DPP10: variants seen among roughly 807,000 people sequenced by gnomAD.
DPP10 encodes inactive dipeptidyl peptidase 10.
In DPP10, 33 loss-of-function variants were observed where a neutral mutation model predicts 120.9. The ratio of observed to expected loss-of-function variants is 0.27; its 90% CI spans 0.21 to 0.37. The LOEUF is 0.37. Among genes scored for constraint, DPP10 ranks in the 10% least tolerant of loss-of-function variants. The pLI, the probability that DPP10 is intolerant of heterozygous loss-of-function variation, is 1.00. For missense variants in DPP10, 816 were observed against 942.8 expected, an observed-to-expected ratio of 0.87 and a Z score of 1.76; for synonymous variants, 337 against 326.1, an observed-to-expected ratio of 1.03 and a Z score of -0.36.
At chr2:115,195,802 T>A (rs1235917837) in intron 1 of DPP10, among the ~76,000 whole-genome samples, 1 of 152,172 alleles carries the variant, frequency 6.6e-6, no homozygotes, top group Non-Finnish European at 1.5e-5. Context: ...TTCGGGACAC[T>A]CTTCCCTCCA....
chr2:115,420,046 A>T (rs376155039), intron 3 of DPP10, among the ~76,000 whole-genome samples: 2 of 152,206 alleles, frequency 1.3e-5, no homozygotes, highest in East Asian at 3.9e-4. Flanking sequence ...TTTATATAAA[A>T]TGCCAAACGT....
At chr2:114,810,509 A>G (rs1453121980) in intron 1 of DPP10, among the ~76,000 whole-genome samples, 1 of 152,236 alleles carries the variant, frequency 6.6e-6, no homozygotes, top group East Asian at 1.9e-4. Context: ...GACTTAGATC[A>G]TCATACAATA....
chr2:115,834,302 A>G (rs756909383), intron 21 of DPP10, among the ~76,000 whole-genome samples: 7 of 152,216 alleles, frequency 4.6e-5, no homozygotes, highest in African/African-American at 9.6e-5. Context: ...TAAAACTATA[A>G]CCTGGACCAC....
At chr2:114,867,738 C>G (rs906952374) in intron 1 of DPP10, among the ~76,000 whole-genome samples, 2 of 152,284 alleles carry the variant, frequency 1.3e-5, no homozygotes, top group South Asian at 4.1e-4. Context: ...TGAGGATCTC[C>G]TAGTAGATTT....
intron 5 of DPP10, among the ~76,000 whole-genome samples, chr2:115,608,111 G>C (rs867699996): frequency 9.2e-5 from 14 of 152,184 alleles, no homozygotes; most frequent in Middle Eastern, 3.4e-3. Context: ...ATTCTGGCTG[G>C]GCGCAATGGC....
At chr2:115,200,311 T>C (rs796599307) in intron 1 of DPP10, among the ~76,000 whole-genome samples, 2 of 152,304 alleles carry the variant, frequency 1.3e-5, no homozygotes, top group African/African-American at 4.8e-5. Flanking sequence ...CCATTACTAC[T>C]GGCAATCTCT....
At chr2:114,754,828 C>T (rs1679580507) in intron 1 of DPP10, among the ~76,000 whole-genome samples, 1 of 152,136 alleles carries the variant, frequency 6.6e-6, no homozygotes, top group Non-Finnish European at 1.5e-5. Flanking sequence ...AGCACCAAAC[C>T]TGCATGGGAT....
chr2:115,195,446 G>T (rs2055190513), intron 1 of DPP10, among the ~76,000 whole-genome samples: 1 of 152,118 alleles, frequency 6.6e-6, no homozygotes, highest in African/African-American at 2.4e-5. Flanking sequence ...TGTCTTGATA[G>T]TAATACCTTG....
intron 4 of DPP10, among the ~76,000 whole-genome samples, chr2:115,505,514 T>C (rs2076894470): frequency 1.3e-5 from 2 of 152,136 alleles, no homozygotes; most frequent in South Asian, 4.1e-4. Flanking sequence ...TTATAACAAC[T>C]GTTTGCGATT....
intron 1 of DPP10, among the ~76,000 whole-genome samples, chr2:115,264,948 A>AG (rs2059399970): frequency 6.6e-6 from 1 of 152,294 alleles, no homozygotes; most frequent in Admixed American, 6.5e-5. Flanking sequence ...AGATTTTATT[A>AG]GGGGTGTCAA....
chr2:115,323,281 T>C lies in DPP10; in HGVS notation c.175+13928T>C, dbSNP rs550483942. On this transcript the variant is annotated intron_variant, in intron 2 of 25. Transcript: ENST00000410059. The stretch of plus-strand genomic sequence containing the variant: ...GAAACTGCTCCTTTCACTTCATCCA[T>C]AAGAAAAAACTCCTCGTTCATTCAA... Among the ~76,000 whole-genome samples the C allele has an allele frequency of 6.6e-5, 10 of 152,286 alleles. No individual in the cohort carries two copies. The South Asian group carries it at 1.9e-3, about 28-fold the overall frequency.
At chr2:115,429,641 G>C (rs2070790018) in intron 3 of DPP10, among the ~76,000 whole-genome samples, 2 of 152,134 alleles carry the variant, frequency 1.3e-5, no homozygotes, top group Non-Finnish European at 2.9e-5. Flanking sequence ...CATTAACTAA[G>C]TGAATGGCTT....
At chr2:115,435,715 T>C (rs921865299) in intron 3 of DPP10, among the ~76,000 whole-genome samples, 14 of 151,918 alleles carry the variant, frequency 9.2e-5, no homozygotes, top group African/African-American at 3.1e-4. Context: ...TTAATCCCAT[T>C]TGTCTATGTT....
intron 4 of DPP10, among the ~76,000 whole-genome samples, chr2:115,513,007 T>C (rs1014481795): frequency 6.6e-6 from 1 of 152,100 alleles, no homozygotes; most frequent in Non-Finnish European, 1.5e-5. Context: ...TATTAAATTG[T>C]TTATTTTCCC....
intron 1 of DPP10, among the ~76,000 whole-genome samples, chr2:114,590,135 A>G (rs1008220999): frequency 1.3e-5 from 2 of 152,170 alleles, no homozygotes; most frequent in Admixed American, 6.5e-5. Context: ...AAATAATTGC[A>G]GCACAATTTA....
At chr2:115,335,699 T>G (rs1455939032) in intron 2 of DPP10, among the ~76,000 whole-genome samples, 1 of 152,096 alleles carries the variant, frequency 6.6e-6, no homozygotes, top group Non-Finnish European at 1.5e-5. Context: ...TGTAGTTTCA[T>G]CTAGCTGTGC....
chr2:115,547,099 A>G (rs2079547900), intron 5 of DPP10, among the ~76,000 whole-genome samples: 1 of 152,110 alleles, frequency 6.6e-6, no homozygotes. Flanking sequence ...CTGACATGAA[A>G]TGTCACCTAG....
chr2:115,142,916 T>A (rs1184008892), intron 1 of DPP10, among the ~76,000 whole-genome samples: 2 of 152,072 alleles, frequency 1.3e-5, no homozygotes. Flanking sequence ...GTGGTGGGGG[T>A]GTCCTAGATT....
At chr2:115,318,961 T>C (rs754786607) in intron 2 of DPP10, among the ~76,000 whole-genome samples, 38 of 152,172 alleles carry the variant, frequency 2.5e-4, no homozygotes, top group Non-Finnish European at 4.6e-4. Context: ...TGGATAACAA[T>C]GGTAAAAGTG....
Sources: gnomAD v4.1 joint callset for allele counts (sites outside exome capture counted in the v4.1 genomes callset) on GRCh38, gnomAD v4.1.1 for gene constraint, MANE v1.5 for transcripts, NCBI Gene and HGNC (gene_info 2026-07-23, HGNC 2026-07-21) for gene names.